ANKRD30B: variants seen among roughly 807,000 people sequenced by gnomAD.
ANKRD30B encodes ankyrin repeat domain 30B.
In ANKRD30B, 144 loss-of-function variants were observed where a neutral mutation model predicts 202.2. That is an observed-to-expected ratio of 0.71 (90% CI 0.62 to 0.82). ANKRD30B has a LOEUF of 0.82. ANKRD30B is among the 40% of genes least tolerant of loss of function. The pLI is 0.00. For missense variants in ANKRD30B, 1,487 were observed against 1,669.1 expected, an observed-to-expected ratio of 0.89 and a Z score of 1.90; for synonymous variants, 508 against 561.3, an observed-to-expected ratio of 0.91 and a Z score of 1.34.
At chr18:14,797,959 G>A (rs1969033631) in intron 20 of ANKRD30B, 105 bp downstream of exon 20, 5 of 1,095,704 alleles carry the variant, frequency 4.6e-6, no homozygotes, top group South Asian at 1.6e-5. Context: ...AAAATTTGAT[G>A]GGAAAATTTG....
chr18:14,883,359 CTGT>C, the ANKRD30B span, among the ~76,000 whole-genome samples: 15 of 93,484 alleles, frequency 1.6e-4, no homozygotes, highest in African/African-American at 6.2e-4. Context: ...TTCTCTCTCT[CTGT>C]CTGTCTGTCT....
intron 1 of ANKRD30B, among the ~76,000 whole-genome samples, chr18:14,750,174 ATG>A (rs971563872): frequency 7.2e-5 from 11 of 151,810 alleles, no homozygotes; most frequent in African/African-American, 1.2e-4. Context: ...CTACTCATGT[ATG>A]TGTGTGTGTG....
At chr18:14,876,760 C>G in the ANKRD30B span, among the ~76,000 whole-genome samples, 2 of 152,198 alleles carry the variant, frequency 1.3e-5, no homozygotes, top group Non-Finnish European at 2.9e-5. Context: ...TACACTGAAT[C>G]ACTCCTGCTT....
chr18:14,914,382 G>A, the ANKRD30B span, among the ~76,000 whole-genome samples: 605 of 152,264 alleles, frequency 4.0e-3, 5 homozygotes, highest in Middle Eastern at 0.014. Flanking sequence ...CTACTGACTA[G>A]GTAGCCTGCT....
chr18:14,886,250 T>C, the ANKRD30B span, among the ~76,000 whole-genome samples: 1 of 151,998 alleles, frequency 6.6e-6, no homozygotes, highest in South Asian at 2.1e-4. Context: ...CTTGTGACAG[T>C]TGTATATCTA....
At chr18:14,873,746 T>C in the ANKRD30B span, among the ~76,000 whole-genome samples, 2 of 152,126 alleles carry the variant, frequency 1.3e-5, no homozygotes. Flanking sequence ...CAGCTCTTTA[T>C]TATTAATAGC....
Position 14,808,416 on chromosome 18 carries a change from A to G in ANKRD30B, c.2285-135A>G, listed in dbSNP as rs765437592. On this transcript the variant is annotated intron_variant, in intron 24 of 43. Transcript: ENST00000690538. ...GCATGTTAACAAATACAAAAACCCA[A>G]AAGACCCCAAAACCTAGTGTAATCC... is the stretch of plus-strand genomic sequence containing the variant. The G allele has an allele frequency of 4.1e-5, 40 of 971,344 alleles. No homozygotes were observed. The South Asian group carries it at 4.9e-4, about 12-fold the overall frequency. 60.2% of individuals were successfully genotyped at this position (971,344 alleles called of 1,614,324 possible). A position where few individuals can be genotyped will look rare whatever the true frequency, so the allele number is the denominator to read the frequency against.
chr18:14,843,096 G>GGTAAATT lies in ANKRD30B; in HGVS notation c.3181+1_3181+7dup, dbSNP rs1568069093. The stretch of plus-strand genomic sequence containing the variant: ...GAAGAATAAACAAACATTGAGAGCA[G>GGTAAATT]GTAAATTTTACAGTTCAACTATATT... On this transcript the variant is annotated frameshift_variant and splice_region_variant. Coordinates refer to ENST00000690538, the MANE Select transcript of ANKRD30B (RefSeq NM_001367607.2). LOFTEE classifies it high-confidence loss of function. 6.2e-7 allele frequency: 1 copy of GGTAAATT among 1,607,556 alleles called. No homozygotes were observed. The highest frequency in any genetic ancestry group is 1.3e-5 in the African/African-American group (1 of 74,704).
the ANKRD30B span, among the ~76,000 whole-genome samples, chr18:14,901,657 C>A: frequency 6.6e-6 from 1 of 151,888 alleles, no homozygotes; most frequent in East Asian, 1.9e-4. Context: ...TTTCTTTCTA[C>A]CTGATCCCTA....
chr18:14,808,272 T>C (rs544842671), intron 24 of ANKRD30B: 9 of 428,626 alleles, frequency 2.1e-5, no homozygotes, highest in Non-Finnish European at 3.5e-5. Context: ...CTTACTGGTA[T>C]TAGGATTTTT....
chr18:14,790,949 T>A (rs1423793289), intron 15 of ANKRD30B, among the ~76,000 whole-genome samples: 1 of 152,196 alleles, frequency 6.6e-6, no homozygotes, highest in East Asian at 1.9e-4. Flanking sequence ...TTGATTGGAA[T>A]AGTTTCAGAA....
the ANKRD30B span, chr18:14,888,752 AT>A: frequency 2.4e-4 from 252 of 1,041,244 alleles, no homozygotes; most frequent in South Asian, 4.2e-4. Flanking sequence ...TTCTTTCTTC[AT>A]TTTTTTTCCT....
chr18:14,782,503 A>C (rs778133607), intron 11 of ANKRD30B, 24 bp from the exon 12 acceptor site: 5 of 1,456,202 alleles, frequency 3.4e-6, no homozygotes. Flanking sequence ...AATTGAAATT[A>C]TCTATTGATA....
the ANKRD30B span, among the ~76,000 whole-genome samples, chr18:14,935,312 G>C: frequency 3.9e-5 from 6 of 152,216 alleles, no homozygotes; most frequent in Admixed American, 1.3e-4. Flanking sequence ...GCTTTCCGGT[G>C]TATTCTTTTT....
intron 34 of ANKRD30B, among the ~76,000 whole-genome samples, chr18:14,832,265 A>G (rs1372312204): frequency 6.6e-6 from 1 of 152,192 alleles, no homozygotes; most frequent in East Asian, 1.9e-4. Context: ...TTATTAAGGC[A>G]TGTGAGGATG....
chr18:14,866,746 C>G, the ANKRD30B span, among the ~76,000 whole-genome samples: 1 of 151,754 alleles, frequency 6.6e-6, no homozygotes, highest in Non-Finnish European at 1.5e-5. Context: ...TAGTGGGTGG[C>G]GCTATCGGGC....
chr18:14,907,229 T>C, the ANKRD30B span, among the ~76,000 whole-genome samples: 1 of 151,994 alleles, frequency 6.6e-6, no homozygotes, highest in Non-Finnish European at 1.5e-5. Flanking sequence ...ATTTTAAGAG[T>C]GCCCTGGCCT....
At chr18:14,872,654 A>C in the ANKRD30B span, among the ~76,000 whole-genome samples, 1 of 152,028 alleles carries the variant, frequency 6.6e-6, no homozygotes. Flanking sequence ...AGTAGCACTG[A>C]GTCAGATTTT....
the ANKRD30B span, among the ~76,000 whole-genome samples, chr18:14,885,665 A>G: frequency 3.3e-4 from 50 of 152,012 alleles, no homozygotes; most frequent in African/African-American, 9.9e-4. Flanking sequence ...CTAGAGAACC[A>G]GAAGAGCAAA....
Sources: allele counts gnomAD v4.1 joint callset (sites outside exome capture counted in the v4.1 genomes callset), GRCh38; gene constraint gnomAD v4.1.1; transcripts MANE v1.5; gene names NCBI Gene and HGNC (gene_info 2026-07-23, HGNC 2026-07-21).